Variants in TMEM132C observed in about 807,000 individuals in gnomAD.
The protein encoded by TMEM132C is transmembrane protein 132C, also known as protein phosphatase 1, regulatory subunit 152.
Under a neutral mutation model 61.4 loss-of-function variants are expected in TMEM132C, and 29 were observed. The ratio of observed to expected loss-of-function variants is 0.47; its 90% CI spans 0.35 to 0.64. The LOEUF (loss-of-function observed/expected upper bound fraction) is 0.64, where lower values mean the gene tolerates loss of function less well. Ranked by LOEUF, TMEM132C falls within the 30% of genes least tolerant of loss-of-function variation. The pLI is 0.00. For missense variants in TMEM132C, 1,408 were observed against 1,476.9 expected, an observed-to-expected ratio of 0.95 and a Z score of 0.76; for synonymous variants, 656 against 633.1, an observed-to-expected ratio of 1.04 and a Z score of -0.54.
At chr12:128,340,843 T>C (rs1329802748) in intron 1 of TMEM132C, among the ~76,000 whole-genome samples, 39 of 130,264 alleles carry the variant, frequency 3.0e-4, no homozygotes, top group African/African-American at 1.4e-3. Context: ...CTCTCTCTCT[T>C]TCTCTCTTTC....
At chr12:128,298,496 T>G (rs1197092239) in intron 1 of TMEM132C, among the ~76,000 whole-genome samples, 2 of 152,146 alleles carry the variant, frequency 1.3e-5, no homozygotes, top group East Asian at 3.9e-4. Flanking sequence ...CACCCAGCTC[T>G]CCCTGGTGAT....
At chr12:128,383,264 T>C (rs893436052) in intron 1 of TMEM132C, among the ~76,000 whole-genome samples, 1 of 152,178 alleles carries the variant, frequency 6.6e-6, no homozygotes, top group African/African-American at 2.4e-5. Flanking sequence ...TACGTGCATG[T>C]CTGTGTATTC....
intron 2 of TMEM132C, among the ~76,000 whole-genome samples, chr12:128,477,696 C>T (rs1871194852): frequency 6.6e-6 from 1 of 152,182 alleles, no homozygotes; most frequent in South Asian, 2.1e-4. Flanking sequence ...TCTCCTACCT[C>T]AGCCTCCTGA....
At position 128,320,129 on chromosome 12, in the gene TMEM132C, A is replaced by G. The variant is rs115861195; in HGVS notation, c.85+52642A>G. Among the ~76,000 whole-genome samples, 1,424 of 152,302 alleles carry G rather than the reference A, an allele frequency of 9.3e-3. 14 individuals carry two copies. The highest frequency in any genetic ancestry group is 0.029 in the African/African-American group (1,197 of 41,568). On this transcript the variant is annotated intron_variant, in intron 1 of 8. Coordinates refer to ENST00000435159, the MANE Select transcript of TMEM132C (RefSeq NM_001136103.3). ...GGAACGCTCCTGTTTTTGTTTCTGT[A>G]GGTGGTTTTTTTCTAAGTATATTTT...
rs758763082 is a variant in TMEM132C at position 128,665,455 on chromosome 12, TCA to T, written c.1306-3951_1306-3950del. Among the ~76,000 whole-genome samples the T allele has an allele frequency of 8.5e-5, 8 of 93,722 alleles. No individual in the cohort carries two copies. In the South Asian group the frequency reaches 1.0e-3, roughly 12 times the overall value. 61.5% of individuals were successfully genotyped at this position (93,722 alleles called of 152,430 possible). On this transcript the variant is annotated intron_variant, in intron 4 of 8. Coordinates refer to ENST00000435159, the MANE Select transcript of TMEM132C (RefSeq NM_001136103.3). ...CACATGTAGCCATACACGTAGGCAC[TCA>T]CACACACACAAACATAGGCGCACAC...
intron 4 of TMEM132C, among the ~76,000 whole-genome samples, chr12:128,623,150 C>T (rs376182172): frequency 2.0e-5 from 3 of 152,086 alleles, no homozygotes; most frequent in African/African-American, 7.2e-5. Flanking sequence ...TAAATGATAC[C>T]ATACCCACTG....
chr12:128,504,662 C>T (rs1872297044), intron 2 of TMEM132C, among the ~76,000 whole-genome samples: 2 of 152,160 alleles, frequency 1.3e-5, no homozygotes, highest in African/African-American at 4.8e-5. Context: ...AGAGAGGTCC[C>T]TGGCATCTCT....
At chr12:128,518,863 G>A (rs1367541884) in intron 2 of TMEM132C, among the ~76,000 whole-genome samples, 1 of 152,092 alleles carries the variant, frequency 6.6e-6, no homozygotes, top group Non-Finnish European at 1.5e-5. Context: ...AGCCGTGCAG[G>A]AACTTGGGCA....
At chr12:128,377,101 C>T (rs1034630359) in intron 1 of TMEM132C, among the ~76,000 whole-genome samples, 7 of 151,336 alleles carry the variant, frequency 4.6e-5, no homozygotes, top group African/African-American at 1.7e-4. Context: ...GTCGCCCAGG[C>T]TGGAGTGCAG....
chr12:128,489,869 A>C (rs962919734), intron 2 of TMEM132C, among the ~76,000 whole-genome samples: 3 of 151,928 alleles, frequency 2.0e-5, no homozygotes, highest in Non-Finnish European at 2.9e-5. Context: ...ATTTTTTTAC[A>C]ACATCCTGAA....
In TMEM132C at chr12:128,670,960, AT is replaced by A. The variant is rs913836854; in HGVS notation, c.1449+1408del. On this transcript the variant is annotated intron_variant, in intron 5 of 8. Coordinates refer to ENST00000435159, the MANE Select transcript of TMEM132C (RefSeq NM_001136103.3). ...TTTTCAAGGTTAGCAGCAAATTCTA[AT>A]TTTTTTTAATGGGCAAAAAAATAAA... Among the ~76,000 whole-genome samples the A allele has an allele frequency of 5.3e-5, 8 of 152,030 alleles. 1 individual carries two copies. Among genetic ancestry groups the A allele is most frequent in the Admixed American group, 1.3e-4 (2 of 15,246 alleles).
At chr12:128,629,306 G>A (rs1384696925) in intron 4 of TMEM132C, among the ~76,000 whole-genome samples, 1 of 152,126 alleles carries the variant, frequency 6.6e-6, no homozygotes, top group African/African-American at 2.4e-5. Context: ...CTTGAGCCCA[G>A]GAGTTAAAGA....
At chr12:128,316,785 A>G (rs1366155659) in intron 1 of TMEM132C, among the ~76,000 whole-genome samples, 2 of 152,040 alleles carry the variant, frequency 1.3e-5, no homozygotes, top group Admixed American at 6.6e-5. Flanking sequence ...TATTATTTTG[A>G]CCACAGGTAC....
intron 5 of TMEM132C, among the ~76,000 whole-genome samples, chr12:128,688,966 G>T (rs1359413832): frequency 6.7e-6 from 1 of 149,790 alleles, no homozygotes; most frequent in Non-Finnish European, 1.5e-5. Context: ...GCTAGTTGTT[G>T]TTTTTTTTGT....
At chr12:128,641,673 C>G (rs1264206189) in intron 4 of TMEM132C, among the ~76,000 whole-genome samples, 1 of 152,218 alleles carries the variant, frequency 6.6e-6, no homozygotes, top group Non-Finnish European at 1.5e-5. Flanking sequence ...GATCGTGGAC[C>G]TCCAGCCGCA....
At chr12:128,375,116 C>T (rs1874154600) in intron 1 of TMEM132C, among the ~76,000 whole-genome samples, 1 of 151,994 alleles carries the variant, frequency 6.6e-6, no homozygotes, top group African/African-American at 2.4e-5. Context: ...CCAGTAGCAT[C>T]TCCCCAGAGT....
chr12:128,461,489 G>A (rs1021391049), intron 2 of TMEM132C, among the ~76,000 whole-genome samples: 2 of 150,782 alleles, frequency 1.3e-5, no homozygotes, highest in Non-Finnish European at 2.9e-5. Context: ...GACTTGGCCT[G>A]AAGACTGTCA....
chr12:128,519,999 T>G (rs1388672335), intron 2 of TMEM132C, among the ~76,000 whole-genome samples: 2 of 152,264 alleles, frequency 1.3e-5, no homozygotes, highest in Non-Finnish European at 2.9e-5. Flanking sequence ...ACTCTGTTTA[T>G]GATTAAATCT....
Position 128,267,458 on chromosome 12 carries a change from G to C in TMEM132C, c.56G>C (p.Ser19Thr), listed in dbSNP as rs1306042246. Residue 19 changes from serine (S) to threonine (T), a missense_variant, in exon 1 of 9, where the codon AGC (serine) becomes ACC (threonine). By Grantham distance (58) the Ser-to-Thr change is moderately conservative (BLOSUM62 1). Coordinates refer to ENST00000435159, the MANE Select transcript of TMEM132C (RefSeq NM_001136103.3). ...GCGGCGCCGCTGTGCGGGGCGCTGA[G>C]CCTGCTGCTGGGCGCGCTGCTGGGC... ...GPAAPLCGAL[S>T]LLLGALLGKV... is the part of the protein sequence containing the mutation. 21 of 1,270,326 alleles carry C rather than the reference G, an allele frequency of 1.7e-5. No individual in the cohort carries two copies. The highest frequency in any genetic ancestry group is 2.1e-5 in the Non-Finnish European group (21 of 1,010,010). The allele number at this position is 1,270,326 out of a possible 1,614,324, so 78.7% of individuals were successfully genotyped here.
Sources: gnomAD v4.1 joint callset for allele counts (sites outside exome capture counted in the v4.1 genomes callset) on GRCh38, gnomAD v4.1.1 for gene constraint, MANE v1.5 for transcripts, NCBI Gene and HGNC (gene_info 2026-07-23, HGNC 2026-07-21) for gene names.